SVIL: variants seen among roughly 807,000 people sequenced by gnomAD.
SVIL encodes supervillin.
Under a neutral mutation model 240.4 loss-of-function variants are expected in SVIL, and 101 were observed. That is an observed-to-expected ratio of 0.42 (90% confidence interval 0.36 to 0.50). The LOEUF is 0.50. Ranked by LOEUF, SVIL falls within the 20% of genes least tolerant of loss-of-function variation. The pLI is 0.01. For missense variants in SVIL, 2,512 were observed against 2,818.7 expected, an observed-to-expected ratio of 0.89 and a Z score of 2.46; for synonymous variants, 999 against 1,100.0, an observed-to-expected ratio of 0.91 and a Z score of 1.82.
chr10:29,465,123 GC>G (rs1944743366), intron 34 of SVIL, among the ~76,000 whole-genome samples: 1 of 152,230 alleles, frequency 6.6e-6, no homozygotes, highest in Admixed American at 6.5e-5. Flanking sequence ...GCAGAAGTCT[GC>G]TGGGGGCTTC....
At chr10:29,520,727 G>A (rs1320617330) in intron 16 of SVIL, among the ~76,000 whole-genome samples, 1 of 152,032 alleles carries the variant, frequency 6.6e-6, no homozygotes, top group Non-Finnish European at 1.5e-5. Flanking sequence ...GGGCAACATG[G>A]TGAGACCTCC....
At position 29,529,047 on chromosome 10, in the gene SVIL, A is replaced by G. The variant is rs568313549; in HGVS notation, c.2246+658T>C. The stretch of plus-strand genomic sequence containing the variant: ...AAAAATTAGCTGAGTGTGGTGGCAC[A>G]TGCCTGTAATCCCAACTACTCGGGA... On this transcript the variant is annotated intron_variant, in intron 12 of 37. Transcript: ENST00000355867. 3.1e-4 allele frequency among the ~76,000 whole-genome samples: 47 copies of G among 151,904 alleles called. 1 individual carries two copies. The South Asian group carries it at 9.6e-3, about 31-fold the overall frequency.
chr10:29,624,407 A>G (rs190729893), intron 1 of SVIL, among the ~76,000 whole-genome samples: 95 of 152,156 alleles, frequency 6.2e-4, no homozygotes, highest in African/African-American at 2.1e-3. Context: ...GTGTGGTGGC[A>G]CACACCTGTA....
chr10:29,595,853 G>A (rs1046844752), intron 1 of SVIL, among the ~76,000 whole-genome samples: 9 of 152,182 alleles, frequency 5.9e-5, no homozygotes, highest in African/African-American at 1.9e-4. Context: ...CATTCCACAC[G>A]TGGCCCTAGG....
intron 21 of SVIL, among the ~76,000 whole-genome samples, chr10:29,492,035 G>T (rs1057260842): frequency 6.6e-6 from 1 of 152,174 alleles, no homozygotes; most frequent in African/African-American, 2.4e-5. Context: ...CAATTTTGCA[G>T]TTAAGAGCAG....
chr10:29,539,872 G>A (rs1029692445), intron 6 of SVIL, among the ~76,000 whole-genome samples: 25 of 152,002 alleles, frequency 1.6e-4, no homozygotes, highest in African/African-American at 5.8e-4. Context: ...TCCCTGCTTC[G>A]AGTTGCCTTG....
intron 2 of SVIL, among the ~76,000 whole-genome samples, chr10:29,668,418 T>C (rs908270803): frequency 4.6e-5 from 7 of 152,204 alleles, no homozygotes; most frequent in Admixed American, 1.3e-4. Flanking sequence ...TGTTTAATTA[T>C]GTTGAAAGTA....
chr10:29,685,797 C>T (rs1961023866), intron 2 of SVIL, among the ~76,000 whole-genome samples: 1 of 152,144 alleles, frequency 6.6e-6, no homozygotes, highest in African/African-American at 2.4e-5. Context: ...CCTGACCCTC[C>T]CTTTCCATCA....
At position 29,735,448 on chromosome 10, in the gene SVIL, C is replaced by T. The variant is rs1441772128; in HGVS notation, c.-400+303G>A. On this transcript the variant is annotated intron_variant, in intron 1 of 35. Transcript: ENST00000375400. The surrounding 1 kb of genome is among the most constrained non-coding windows in gnomAD (Gnocchi z 4.1). ...AGAGAAACCCTGCCCCGGCCCGCTC[C>T]TCCCCGAGGCGCGCTCCGGGGACGG... Among the ~76,000 whole-genome samples, 1 of 151,966 alleles carries T rather than the reference C, an allele frequency of 6.6e-6. No homozygotes were observed. The highest frequency in any genetic ancestry group is 1.5e-5 in the Non-Finnish European group (1 of 67,948).
chr10:29,598,996 A>T (rs570084396), intron 1 of SVIL, among the ~76,000 whole-genome samples: 2 of 152,352 alleles, frequency 1.3e-5, no homozygotes, highest in Middle Eastern at 3.4e-3. Flanking sequence ...TGCCTTGGGC[A>T]TCTTTCAGAG....
chr10:29,477,627 A>C (rs1189808075), intron 29 of SVIL, among the ~76,000 whole-genome samples: 1 of 152,192 alleles, frequency 6.6e-6, no homozygotes, highest in Non-Finnish European at 1.5e-5. Flanking sequence ...TAGTGTCACC[A>C]AGGGGCCAGA....
intron 1 of SVIL, among the ~76,000 whole-genome samples, chr10:29,707,915 T>G (rs1310407129): frequency 6.6e-6 from 1 of 152,164 alleles, no homozygotes; most frequent in Non-Finnish European, 1.5e-5. Flanking sequence ...GGCTGTGATT[T>G]AAACTCATGT....
rs571183800 is a variant in SVIL at position 29,541,260 on chromosome 10, G to C, written c.828-5191C>G. On this transcript the variant is annotated intron_variant, in intron 6 of 37. Transcript: ENST00000355867. ...TTTGCTTTATACAACATAATGAGTT[G>C]AACACAGGATACTTACTGTGAGGCT... Among the ~76,000 whole-genome samples the C allele has an allele frequency of 2.0e-5, 3 of 152,274 alleles. No homozygotes were observed. In the South Asian group the frequency reaches 6.2e-4, roughly 32 times the overall value.
chr10:29,620,849 C>T (rs1010912708), intron 1 of SVIL, among the ~76,000 whole-genome samples: 2 of 152,204 alleles, frequency 1.3e-5, no homozygotes, highest in Non-Finnish European at 2.9e-5. Flanking sequence ...AAACTCCTGA[C>T]CTCGTGATCC....
intron 1 of SVIL, among the ~76,000 whole-genome samples, chr10:29,620,584 T>C (rs903748834): frequency 8.5e-5 from 13 of 152,232 alleles, no homozygotes; most frequent in Admixed American, 8.5e-4. Flanking sequence ...CATCTACTCT[T>C]GATGCTAGGG....
intron 2 of SVIL, among the ~76,000 whole-genome samples, chr10:29,659,539 G>A (rs1219964007): frequency 3.3e-5 from 5 of 152,184 alleles, no homozygotes; most frequent in East Asian, 1.9e-4. Flanking sequence ...GATGTCAGAA[G>A]CCTGGTTTAT....
At chr10:29,469,091 A>G (rs1028817841) in intron 32 of SVIL, 1 of 152,178 alleles carries the variant, frequency 6.6e-6, no homozygotes, top group Non-Finnish European at 1.5e-5. Context: ...CTTGGCGCCA[A>G]TCAGGTACTC....
chr10:29,503,032 A>T (rs891430566), intron 17 of SVIL, among the ~76,000 whole-genome samples: 8 of 152,140 alleles, frequency 5.3e-5, no homozygotes, highest in Admixed American at 2.0e-4. Context: ...GGCTTTTAAA[A>T]TTTTTTTTAT....
intron 1 of SVIL, among the ~76,000 whole-genome samples, chr10:29,620,286 G>A (rs143254216): frequency 1.3e-5 from 2 of 151,024 alleles, no homozygotes; most frequent in African/African-American, 2.4e-5. Flanking sequence ...AGAGGAAAGA[G>A]GAGAGGAAAA....
Sources: allele counts gnomAD v4.1 joint callset (sites outside exome capture counted in the v4.1 genomes callset), GRCh38; gene constraint gnomAD v4.1.1; non-coding constraint Gnocchi (gnomAD v3.1); transcripts MANE v1.5; gene names NCBI Gene and HGNC (gene_info 2026-07-23, HGNC 2026-07-21).